The following EGFR variants were observed in gnomAD, a reference collection of about 807,000 sequenced individuals.
EGFR encodes epidermal growth factor receptor.
EGFR carries 58 observed loss-of-function variants against 143.0 expected under a neutral mutation model. The ratio of observed to expected loss-of-function variants is 0.41; its 90% confidence interval spans 0.33 to 0.50. The LOEUF (loss-of-function observed/expected upper bound fraction) is 0.50, where lower values mean the gene tolerates loss of function less well. EGFR is among the 20% of genes least tolerant of loss of function. The pLI, the probability that EGFR is intolerant of heterozygous loss-of-function variation, is 0.39. For missense variants in EGFR, 1,307 were observed against 1,579.0 expected (o/e 0.83, Z 2.92); for synonymous variants, 613 against 594.4 (o/e 1.03, Z -0.45).
chr7:55,080,767 A>G (rs1790418880), intron 1 of EGFR, among the ~76,000 whole-genome samples: 1 of 152,208 alleles, frequency 6.6e-6, no homozygotes, highest in Non-Finnish European at 1.5e-5. Context: ...TCCACAATGG[A>G]TACATATATC....
At position 55,019,291 on chromosome 7, in the gene EGFR, G is replaced by A. The variant is rs759582787; in HGVS notation, c.14G>A (p.Gly5Glu). 6.6e-7 allele frequency: 1 copy of A among 1,507,870 alleles called. No individual in the cohort carries two copies. The highest frequency in any genetic ancestry group is 8.9e-7 in the Non-Finnish European group (1 of 1,123,352). 93.4% of individuals were successfully genotyped at this position (1,507,870 alleles called of 1,614,324 possible). A position where few individuals can be genotyped will look rare whatever the true frequency, so the allele number is the denominator to read the frequency against. Residue 5 changes from glycine to glutamate, a missense_variant, in exon 1 of 28, where the codon GGG (glycine) becomes GAG (glutamate). By Grantham distance (98) the Gly-to-Glu change is moderately conservative. Around this residue, in one of 7 missense-constraint regions of EGFR, gnomAD observed 65 missense variants for 37.8 expected, o/e 1.72. Transcript: ENST00000275493. ...CGGGGAGCAGCGATGCGACCCTCCG[G>A]GACGGCCGGGGCAGCGCTCCTGGCG... MRPS[G>E]TAGAALLALL...
intron 13 of EGFR, 35 bp from the exon 14 acceptor site, chr7:55,163,698 G>A (rs2128944495): frequency 6.3e-7 from 1 of 1,575,446 alleles, no homozygotes; most frequent in Admixed American, 1.7e-5. Context: ...AATGTCTCAG[G>A]GGTGGGCTGA....
intron 1 of EGFR, among the ~76,000 whole-genome samples, chr7:55,066,840 C>T (rs772232741): frequency 2.0e-5 from 3 of 152,190 alleles, no homozygotes; most frequent in Non-Finnish European, 4.4e-5. Context: ...GTGCATTTCT[C>T]AAGCTTGACA....
intron 1 of EGFR, among the ~76,000 whole-genome samples, chr7:55,098,908 C>G (rs1436964732): frequency 6.6e-6 from 1 of 152,144 alleles, no homozygotes; most frequent in Non-Finnish European, 1.5e-5. Context: ...GATTCTGACT[C>G]CCCGAGTCTT....
intron 1 of EGFR, among the ~76,000 whole-genome samples, chr7:55,125,736 AGAGCACCT>A (rs1307427165): frequency 6.6e-6 from 1 of 152,244 alleles, no homozygotes; most frequent in Non-Finnish European, 1.5e-5. Context: ...GGCGAAGTCC[AGAGCACCT>A]GTGCGCTACA....
intron 1 of EGFR, among the ~76,000 whole-genome samples, chr7:55,058,726 T>A (rs539703580): frequency 9.9e-4 from 151 of 152,242 alleles, no homozygotes; most frequent in Non-Finnish European, 2.0e-3. Context: ...AAAAAATAAC[T>A]ATTGGGGTAC....
At chr7:55,079,530 T>G (rs1477107083) in intron 1 of EGFR, among the ~76,000 whole-genome samples, 1 of 152,242 alleles carries the variant, frequency 6.6e-6, no homozygotes, top group Non-Finnish European at 1.5e-5. Context: ...AGGCACGCAC[T>G]GGGTCTTGTC....
At chr7:55,089,781 A>C (rs1182223443) in intron 1 of EGFR, among the ~76,000 whole-genome samples, 1 of 152,004 alleles carries the variant, frequency 6.6e-6, no homozygotes, top group Non-Finnish European at 1.5e-5. Flanking sequence ...GCCGGAGCCC[A>C]TGTTTCTTTC....
Position 55,142,342 on chromosome 7 carries a change from C to T in EGFR, c.145C>T (p.Leu49Phe), listed in dbSNP as rs2128926234. The change falls in exon 2 of 28, where the codon CTC (leucine) becomes TTC (phenylalanine). Residue 49 changes from leucine to phenylalanine, a missense_variant. Coordinates refer to ENST00000275493, the MANE Select transcript of EGFR (RefSeq NM_005228.5). Reference protein sequence around the residue: ...TQLGTFEDHFLSLQRMFNNCE... With the variant: ...TQLGTFEDHFFSLQRMFNNCE... ...GTTGGGCACTTTTGAAGATCATTTTCTCAGCCTCCAGAGGATGTTCAATAA... is the reference window on the plus strand; with the variant it reads ...GTTGGGCACTTTTGAAGATCATTTTTTCAGCCTCCAGAGGATGTTCAATAA... 6.2e-7 allele frequency: 1 copy of T among 1,614,224 alleles called. No individual in the cohort carries two copies. The highest frequency in any genetic ancestry group is 8.5e-7 in the Non-Finnish European group (1 of 1,180,042).
At position 55,210,635 on chromosome 7, in the gene EGFR, C is replaced by T. The variant is rs1788216320; in HGVS notation, c.*5018C>T. ...GAGAGCTAAGACACAAAGACCTCCA[C>T]ATCTGTCGCTGAGAGTCAAGAACCT... On this transcript the variant is annotated 3_prime_UTR_variant, in exon 28 of 28. Coordinates refer to ENST00000275493, the MANE Select transcript of EGFR (RefSeq NM_005228.5). The T allele has an allele frequency of 6.6e-6, 1 of 152,222 alleles. No individual in the cohort carries two copies. Among genetic ancestry groups the T allele is most frequent in the Non-Finnish European group, 1.5e-5 (1 of 68,050 alleles). 9.4% of individuals were successfully genotyped at this position (152,222 alleles called of 1,614,324 possible). A position where few individuals can be genotyped will look rare whatever the true frequency, so the allele number is the denominator to read the frequency against.
intron 1 of EGFR, among the ~76,000 whole-genome samples, chr7:55,026,962 T>A (rs577842222): frequency 6.6e-6 from 1 of 151,674 alleles, no homozygotes; most frequent in African/African-American, 2.4e-5. Flanking sequence ...AGATGCACAC[T>A]CTTGGACCCC....
intron 11 of EGFR, among the ~76,000 whole-genome samples, chr7:55,159,908 T>C (rs1436333208): frequency 6.6e-6 from 1 of 152,194 alleles, no homozygotes; most frequent in Non-Finnish European, 1.5e-5. Context: ...ATCCTCCCCA[T>C]CTGCCACTGG....
chr7:55,129,872 C>T (rs1311984798), intron 1 of EGFR, among the ~76,000 whole-genome samples: 1 of 152,208 alleles, frequency 6.6e-6, no homozygotes, highest in African/African-American at 2.4e-5. Context: ...CACATACTTC[C>T]TGACCTCCTG....
chr7:55,190,661 C>T (rs17290524), intron 20 of EGFR, among the ~76,000 whole-genome samples: 4,809 of 152,210 alleles, frequency 0.032, 243 homozygotes, highest in African/African-American at 0.11. Context: ...TTTGCTGCAC[C>T]GCAGCAAGCA....
chr7:55,174,102 G>A (rs2128953916), intron 18 of EGFR, 59 bp downstream of exon 18: 1 of 1,610,250 alleles, frequency 6.2e-7, no homozygotes, highest in Admixed American at 1.7e-5. Flanking sequence ...GGTCTGGTGG[G>A]GAGCCCAGAG....
intron 1 of EGFR, among the ~76,000 whole-genome samples, chr7:55,046,628 C>T (rs149312264): frequency 3.3e-5 from 5 of 151,766 alleles, no homozygotes; most frequent in African/African-American, 1.2e-4. Flanking sequence ...CAAACATGCT[C>T]AGAAAGCTTG....
intron 1 of EGFR, among the ~76,000 whole-genome samples, chr7:55,035,641 C>A: frequency 6.7e-6 from 1 of 149,070 alleles, no homozygotes; most frequent in East Asian, 2.0e-4. Context: ...GCAGAGATTG[C>A]ACCACTGCAC....
chr7:55,145,392 T>G (rs1187357248), intron 3 of EGFR, among the ~76,000 whole-genome samples: 1 of 152,226 alleles, frequency 6.6e-6, no homozygotes, highest in Non-Finnish European at 1.5e-5. Context: ...AGCACCACGA[T>G]TCAGCCCTTA....
chr7:55,147,054 C>A (rs1265403959), intron 4 of EGFR, among the ~76,000 whole-genome samples: 3 of 152,196 alleles, frequency 2.0e-5, no homozygotes, highest in African/African-American at 4.8e-5. Context: ...CCTCTCCTAG[C>A]CTGCCCTGCT....
Sources: allele counts gnomAD v4.1 joint callset (sites outside exome capture counted in the v4.1 genomes callset), GRCh38; gene constraint gnomAD v4.1.1; regional missense constraint gnomAD v4.1.1; transcripts MANE v1.5; gene names NCBI Gene and HGNC (gene_info 2026-07-23, HGNC 2026-07-21).